SRPK1: variants seen among roughly 807,000 people sequenced by gnomAD.
The protein encoded by SRPK1 is SRSF protein kinase 1.
SRPK1 carries 52 observed loss-of-function variants against 89.5 expected under a neutral mutation model. The observed-to-expected ratio is 0.58, with a 90% CI of 0.46 to 0.73. SRPK1 has a LOEUF of 0.73. Ranked by LOEUF, SRPK1 falls within the 30% of genes least tolerant of loss-of-function variation. The pLI is 0.00. For missense variants in SRPK1, 603 were observed against 780.6 expected, an observed-to-expected ratio of 0.77 and a Z score of 2.71; for synonymous variants, 255 against 270.2, an observed-to-expected ratio of 0.94 and a Z score of 0.55.
chr6:35,857,765 G>C (rs1444791064), intron 12 of SRPK1, among the ~76,000 whole-genome samples: 1 of 152,138 alleles, frequency 6.6e-6, no homozygotes, highest in Non-Finnish European at 1.5e-5. Flanking sequence ...ACCACACCAA[G>C]GAATCCAAAC....
At chr6:35,892,448 T>C (rs151093827) in intron 2 of SRPK1, among the ~76,000 whole-genome samples, 90 of 152,234 alleles carry the variant, frequency 5.9e-4, no homozygotes, top group Admixed American at 9.8e-4. Flanking sequence ...GGCCAGGGGT[T>C]TGAGACCAGC....
At chr6:35,877,780 T>C (rs566677359) in intron 6 of SRPK1, among the ~76,000 whole-genome samples, 10 of 151,096 alleles carry the variant, frequency 6.6e-5, no homozygotes, top group Non-Finnish European at 1.5e-4. Context: ...GAGGCGGAGG[T>C]TGCAGTGAGC....
At chr6:35,890,000 C>T (rs1389173228) in intron 3 of SRPK1, among the ~76,000 whole-genome samples, 6 of 151,526 alleles carry the variant, frequency 4.0e-5, no homozygotes, top group South Asian at 2.1e-4. Context: ...CCCAGCTACT[C>T]GGGAGGCTGA....
chr6:35,877,126 C>A (rs1770171851), intron 6 of SRPK1, among the ~76,000 whole-genome samples: 2 of 152,126 alleles, frequency 1.3e-5, no homozygotes, highest in South Asian at 4.1e-4. Flanking sequence ...TGGAACAGTG[C>A]CTGTTCCCAG....
chr6:35,901,132 C>T (rs1770730888), intron 2 of SRPK1, among the ~76,000 whole-genome samples: 1 of 152,188 alleles, frequency 6.6e-6, no homozygotes, highest in South Asian at 2.1e-4. Flanking sequence ...TTAAGATCTC[C>T]TAATGCAGGG....
chr6:35,884,011 G>A (rs976998413), intron 6 of SRPK1, among the ~76,000 whole-genome samples: 3 of 151,982 alleles, frequency 2.0e-5, no homozygotes, highest in Non-Finnish European at 2.9e-5. Flanking sequence ...GAGATTACAG[G>A]TGTGAGCCAC....
intron 2 of SRPK1, chr6:35,920,035 A>T: frequency 2.2e-6 from 1 of 456,488 alleles, no homozygotes; most frequent in Non-Finnish European, 4.4e-6. Flanking sequence ...AACACGGAAA[A>T]ATTCATTCAA....
At position 35,885,613 on chromosome 6, in the gene SRPK1, G is replaced by C. The variant is rs185457796; in HGVS notation, c.478+1111C>G. Reference sequence around the variant, plus strand: ...AAAGATCAACAGCAATTAGGAATGTGCATTAAAGGAAGCTAAACATGCATG... The same window carrying C: ...AAAGATCAACAGCAATTAGGAATGTCCATTAAAGGAAGCTAAACATGCATG... On this transcript the variant is annotated intron_variant, in intron 6 of 15. Coordinates refer to ENST00000373825, the MANE Select transcript of SRPK1 (RefSeq NM_003137.5). Among the ~76,000 whole-genome samples the C allele has an allele frequency of 2.1e-3, 322 of 152,220 alleles. 3 individuals are homozygous for C. Among genetic ancestry groups the C allele is most frequent in the Middle Eastern group, 6.8e-3 (2 of 294 alleles).
At chr6:35,896,359 T>G (rs930319602) in intron 2 of SRPK1, among the ~76,000 whole-genome samples, 1 of 152,196 alleles carries the variant, frequency 6.6e-6, no homozygotes, top group East Asian at 1.9e-4. Flanking sequence ...ATTGTTGTGG[T>G]GTGAGAGCAG....
chr6:35,880,746 A>AAAAAAAAAAAAAAG (rs1770263877), intron 6 of SRPK1, among the ~76,000 whole-genome samples: 2 of 89,200 alleles, frequency 2.2e-5, no homozygotes, highest in Admixed American at 1.2e-4. Flanking sequence ...AAAAAAAAAA[A>AAAAAAAAAAAAAAG]AAAAGAAAAG....
intron 8 of SRPK1, among the ~76,000 whole-genome samples, chr6:35,871,225 A>G (rs1015110348): frequency 2.0e-5 from 3 of 152,178 alleles, no homozygotes; most frequent in Non-Finnish European, 4.4e-5. Context: ...AAAATCACCT[A>G]TTTTCCATTC....
At chr6:35,847,840 T>A (rs1020725858) in intron 13 of SRPK1, among the ~76,000 whole-genome samples, 11 of 152,142 alleles carry the variant, frequency 7.2e-5, no homozygotes, top group Non-Finnish European at 1.3e-4. Flanking sequence ...TTTTATTTTT[T>A]TTTTTGAGAG....
chr6:35,850,804 G>C (rs1192390743), intron 13 of SRPK1, among the ~76,000 whole-genome samples: 1 of 152,152 alleles, frequency 6.6e-6, no homozygotes, highest in African/African-American at 2.4e-5. Context: ...AAAGAAAAGT[G>C]ATAAAGTGGG....
intron 2 of SRPK1, among the ~76,000 whole-genome samples, chr6:35,911,601 TTTTTTG>T (rs958610340): frequency 8.6e-5 from 13 of 151,996 alleles, no homozygotes; most frequent in African/African-American, 2.9e-4. Context: ...AGTTTCTTTC[TTTTTTG>T]TTTTTAAGAG....
intron 12 of SRPK1, among the ~76,000 whole-genome samples, chr6:35,866,952 C>T (rs943381874): frequency 3.9e-5 from 6 of 152,086 alleles, no homozygotes; most frequent in African/African-American, 1.4e-4. Flanking sequence ...TAAGTGGGAG[C>T]TGCATAATGT....
rs546290844 is a variant in SRPK1, at chr6:35,880,346, T to C, written c.479-6007A>G. ...GTGTGAGGAATAGAAAGAAAAAAGA[T>C]TGAAGAAAAGTGAAGAGGCTTAAGG... is the stretch of plus-strand genomic sequence containing the variant. On this transcript the variant is annotated intron_variant, in intron 6 of 15. Coordinates refer to ENST00000373825, the MANE Select transcript of SRPK1 (RefSeq NM_003137.5). 1.6e-4 allele frequency among the ~76,000 whole-genome samples: 25 copies of C among 151,664 alleles called. No homozygotes were observed. In the South Asian group the frequency reaches 4.8e-3, roughly 29 times the overall value.
intron 2 of SRPK1, among the ~76,000 whole-genome samples, chr6:35,908,750 G>T (rs1018693117): frequency 9.9e-5 from 15 of 152,186 alleles, no homozygotes; most frequent in African/African-American, 3.6e-4. Flanking sequence ...ATGTCGTCAG[G>T]GCATGTCAGA....
At chr6:35,913,948 G>A (rs540373878) in intron 2 of SRPK1, among the ~76,000 whole-genome samples, 16 of 145,802 alleles carry the variant, frequency 1.1e-4, no homozygotes, top group South Asian at 2.2e-4. Flanking sequence ...AAAGTCTGCC[G>A]CACAACAAAG....
intron 2 of SRPK1, among the ~76,000 whole-genome samples, chr6:35,903,729 T>A (rs1049034488): frequency 6.6e-6 from 1 of 152,320 alleles, no homozygotes; most frequent in East Asian, 1.9e-4. Flanking sequence ...TTAAAATGTA[T>A]ATTAAAATTT....
Sources: gnomAD v4.1 joint callset for allele counts (sites outside exome capture counted in the v4.1 genomes callset) on GRCh38, gnomAD v4.1.1 for gene constraint, MANE v1.5 for transcripts, NCBI Gene and HGNC (gene_info 2026-07-23, HGNC 2026-07-21) for gene names.